TENT4B: variants seen among roughly 807,000 people sequenced by gnomAD.
The protein encoded by TENT4B is PAP associated domain containing 5.
TENT4B carries 10 observed loss-of-function variants against 75.0 expected under a neutral mutation model. The observed-to-expected ratio is 0.13, with a 90% CI of 0.08 to 0.23. The LOEUF (loss-of-function observed/expected upper bound fraction) is 0.23, where lower values mean the gene tolerates loss of function less well. Among genes scored for constraint, TENT4B ranks in the 10% least tolerant of loss-of-function variants. The pLI, the probability that TENT4B is intolerant of heterozygous loss-of-function variation, is 1.00. For missense variants in TENT4B, 579 were observed against 893.8 expected, an observed-to-expected ratio of 0.65 and a Z score of 4.49; for synonymous variants, 350 against 357.7, an observed-to-expected ratio of 0.98 and a Z score of 0.24.
intron 1 of TENT4B, among the ~76,000 whole-genome samples, chr16:50,189,117 G>A (rs540037656): frequency 6.6e-6 from 1 of 152,166 alleles, no homozygotes; most frequent in East Asian, 1.9e-4. Flanking sequence ...CTTGTAGGAA[G>A]GCTGTTTCCA....
intron 5 of TENT4B, among the ~76,000 whole-genome samples, chr16:50,219,535 C>T (rs990105595): frequency 2.6e-5 from 4 of 152,174 alleles, no homozygotes; most frequent in South Asian, 2.1e-4. Flanking sequence ...TCCATACATG[C>T]ATCTTGCTTT....
intron 1 of TENT4B, among the ~76,000 whole-genome samples, chr16:50,159,385 C>T (rs1210570189): frequency 6.6e-6 from 1 of 151,906 alleles, no homozygotes; most frequent in Non-Finnish European, 1.5e-5. Flanking sequence ...GCTGGGATTA[C>T]AGGCATGTGC....
intron 1 of TENT4B, among the ~76,000 whole-genome samples, chr16:50,189,340 T>C (rs533817288): frequency 1.1e-3 from 166 of 152,350 alleles, no homozygotes; most frequent in African/African-American, 3.7e-3. Flanking sequence ...TGTGCCAGTT[T>C]GATTTTAAAA....
At chr16:50,218,426 T>A (rs1337025632) in intron 5 of TENT4B, among the ~76,000 whole-genome samples, 1 of 151,614 alleles carries the variant, frequency 6.6e-6, no homozygotes, top group Non-Finnish European at 1.5e-5. Flanking sequence ...CACCTCCGCC[T>A]CCCGGGTTCA....
chr16:50,231,332 A>G lies in TENT4B; in HGVS notation c.*2004A>G, dbSNP rs1236958736. On this transcript the variant is annotated 3_prime_UTR_variant, in exon 12 of 12. Transcript: ENST00000561678. ...TTTTCTAGGACAATTGTGAATGTGT[A>G]GACTTATGTTTACTGCTAAGGGAAC... 1.0e-6 allele frequency: 1 copy of G among 982,030 alleles called. No individual in the cohort carries two copies. Among genetic ancestry groups the G allele is most frequent in the Non-Finnish European group, 1.2e-6 (1 of 826,538 alleles). 60.8% of individuals were successfully genotyped at this position (982,030 alleles called of 1,614,324 possible).
chr16:50,164,034 G>A (rs2038051830), intron 1 of TENT4B, among the ~76,000 whole-genome samples: 1 of 151,918 alleles, frequency 6.6e-6, no homozygotes, highest in South Asian at 2.1e-4. Flanking sequence ...GCACGTGCCT[G>A]TAATTCCAGC....
Position 50,229,679 on chromosome 16 carries a change from G to C in TENT4B, c.*351G>C. On this transcript the variant is annotated 3_prime_UTR_variant, in exon 12 of 12. Transcript: ENST00000561678. ...AGGGAATAGTATTCAGTGTTGGTAG[G>C]GTGATAGAAACAAAAAACAGTATCA... 1 of 1,001,336 alleles carries C rather than the reference G, an allele frequency of 1.0e-6. No homozygotes were observed. Among genetic ancestry groups the C allele is most frequent in the Non-Finnish European group, 1.2e-6 (1 of 840,512 alleles). The allele number at this position is 1,001,336 out of a possible 1,614,324, so 62.0% of individuals were successfully genotyped here. A position where few individuals can be genotyped will look rare whatever the true frequency, so the allele number is the denominator to read the frequency against.
At chr16:50,195,838 G>A (rs2030197738) in intron 1 of TENT4B, among the ~76,000 whole-genome samples, 1 of 152,052 alleles carries the variant, frequency 6.6e-6, no homozygotes, top group African/African-American at 2.4e-5. Context: ...TTTGTCCATA[G>A]GTCTTAAAGA....
In TENT4B at chr16:50,153,306, C is replaced by G. The variant is rs1432958140; in HGVS notation, c.-316C>G. On this transcript the variant is annotated 5_prime_UTR_variant, in exon 1 of 12. Transcript: ENST00000561678. Reference sequence around the variant, plus strand: ...GCCGCTGCCGCCGCCGCCGCTCGCTCTTCTGTGGAGCCGCCGCCGCCGCCG... The same window carrying G: ...GCCGCTGCCGCCGCCGCCGCTCGCTGTTCTGTGGAGCCGCCGCCGCCGCCG... Among the ~76,000 whole-genome samples the G allele has an allele frequency of 3.5e-5, 5 of 144,300 alleles. No individual in the cohort carries two copies. Among genetic ancestry groups the G allele is most frequent in the Admixed American group, 3.4e-4 (5 of 14,512 alleles). The allele number at this position is 144,300 out of a possible 152,430, so 94.7% of individuals were successfully genotyped here.
intron 1 of TENT4B, among the ~76,000 whole-genome samples, chr16:50,196,267 G>A (rs1159955494): frequency 6.6e-6 from 1 of 152,174 alleles, no homozygotes; most frequent in East Asian, 1.9e-4. Flanking sequence ...CTGGTTGGCA[G>A]CCCAATGGCA....
At chr16:50,182,435 C>G (rs1465710530) in intron 1 of TENT4B, among the ~76,000 whole-genome samples, 1 of 152,178 alleles carries the variant, frequency 6.6e-6, no homozygotes, top group East Asian at 1.9e-4. Flanking sequence ...CAAAATACCT[C>G]TTCGTTATAA....
At chr16:50,172,139 C>T (rs1232245030) in intron 1 of TENT4B, among the ~76,000 whole-genome samples, 1 of 152,140 alleles carries the variant, frequency 6.6e-6, no homozygotes, top group Non-Finnish European at 1.5e-5. Context: ...CAGTTGAAGC[C>T]AGGAGTTTGA....
At chr16:50,179,201 A>G (rs560413878) in intron 1 of TENT4B, among the ~76,000 whole-genome samples, 1 of 152,178 alleles carries the variant, frequency 6.6e-6, no homozygotes, top group Admixed American at 6.5e-5. Flanking sequence ...CGTCTCTACT[A>G]AAAATACAAA....
At chr16:50,167,721 G>A (rs2038129145) in intron 1 of TENT4B, among the ~76,000 whole-genome samples, 1 of 151,216 alleles carries the variant, frequency 6.6e-6, no homozygotes, top group Non-Finnish European at 1.5e-5. Context: ...GCAGTGGTGT[G>A]ATCTTGGCTT....
At chr16:50,227,140 T>G (rs2032092871) in intron 10 of TENT4B, among the ~76,000 whole-genome samples, 1 of 152,238 alleles carries the variant, frequency 6.6e-6, no homozygotes, top group Non-Finnish European at 1.5e-5. Flanking sequence ...TGACCATGTG[T>G]CAATATGGAA....
At chr16:50,210,993 G>A (rs991385933) in intron 1 of TENT4B, among the ~76,000 whole-genome samples, 3 of 152,208 alleles carry the variant, frequency 2.0e-5, no homozygotes, top group African/African-American at 4.8e-5. Context: ...CTACTGCCAG[G>A]AAACTTGCCT....
intron 1 of TENT4B, among the ~76,000 whole-genome samples, chr16:50,196,583 A>G (rs2030271839): frequency 6.6e-6 from 1 of 152,116 alleles, no homozygotes; most frequent in Admixed American, 6.6e-5. Context: ...CAAAAAATAC[A>G]ATAGATGCTT....
chr16:50,168,341 C>T (rs147910205), intron 1 of TENT4B, among the ~76,000 whole-genome samples: 2 of 151,972 alleles, frequency 1.3e-5, no homozygotes, highest in Non-Finnish European at 2.9e-5. Context: ...GCTCTTCTTG[C>T]CCAGGCTGGA....
At chr16:50,198,254 A>T (rs996822898) in intron 1 of TENT4B, among the ~76,000 whole-genome samples, 1 of 151,716 alleles carries the variant, frequency 6.6e-6, no homozygotes, top group Non-Finnish European at 1.5e-5. Flanking sequence ...CCGTCTCTAC[A>T]AAAAATACAA....
Sources: gnomAD v4.1 joint callset for allele counts (sites outside exome capture counted in the v4.1 genomes callset) on GRCh38, gnomAD v4.1.1 for gene constraint, MANE v1.5 for transcripts, NCBI Gene and HGNC (gene_info 2026-07-23, HGNC 2026-07-21) for gene names.